FERMT2: variants seen among roughly 807,000 people sequenced by gnomAD.
The protein encoded by FERMT2 is fermitin family homolog 2.
In FERMT2, 15 loss-of-function variants were observed where a neutral mutation model predicts 82.7. The observed-to-expected ratio is 0.18, with a 90% confidence interval of 0.12 to 0.28. The LOEUF (loss-of-function observed/expected upper bound fraction) is 0.28, where lower values mean the gene tolerates loss of function less well. Ranked by LOEUF, FERMT2 falls within the 10% of genes least tolerant of loss-of-function variation. The probability of loss-of-function intolerance (pLI) is 1.00; values close to 1 mark genes in which losing one functional copy is unlikely to be tolerated. For synonymous variants in FERMT2, 274 were observed against 271.5 expected (o/e 1.01, Z -0.09); for missense variants, 645 against 809.4 (o/e 0.80, Z 2.46).
At chr14:52,863,522 T>G (rs1196792510) in intron 12 of FERMT2, 1 of 152,210 alleles carries the variant, frequency 6.6e-6, no homozygotes, top group Admixed American at 6.5e-5. Context: ...GAAATTCCCC[T>G]GTAAAGGACT....
At chr14:52,886,092 T>C (rs896137306) in intron 4 of FERMT2, among the ~76,000 whole-genome samples, 11 of 152,118 alleles carry the variant, frequency 7.2e-5, no homozygotes, top group African/African-American at 2.4e-4. Flanking sequence ...TATAAATGGC[T>C]AATAAACATA....
Position 52,869,036 on chromosome 14 carries a change from G to A in FERMT2, c.1273+3763C>T, listed in dbSNP as rs186912087. The stretch of plus-strand genomic sequence containing the variant: ...GACCTCTTAGTTATACAGGAAGAAG[G>A]TTAAGATATAACAGGGACAGTGAGA... On this transcript the variant is annotated intron_variant, in intron 10 of 14. Coordinates refer to ENST00000341590, the MANE Select transcript of FERMT2 (RefSeq NM_006832.3). Among the ~76,000 whole-genome samples, 5 of 152,212 alleles carry A rather than the reference G, an allele frequency of 3.3e-5. No individual in the cohort carries two copies. The East Asian group carries it at 9.6e-4, about 29-fold the overall frequency.
intron 4 of FERMT2, among the ~76,000 whole-genome samples, chr14:52,884,100 G>A (rs529059984): frequency 3.3e-5 from 5 of 152,272 alleles, no homozygotes; most frequent in East Asian, 3.9e-4. Context: ...CCAAATCTGC[G>A]TTTCAACTTC....
intron 3 of FERMT2, 58 bp from the exon 4 acceptor site, chr14:52,893,485 T>C: frequency 7.9e-7 from 1 of 1,270,374 alleles, no homozygotes; most frequent in Non-Finnish European, 1.1e-6. Flanking sequence ...ATTTTACACT[T>C]AGTAAATCTA....
chr14:52,949,963 C>A (rs900267291), intron 2 of FERMT2, among the ~76,000 whole-genome samples: 2 of 152,152 alleles, frequency 1.3e-5, no homozygotes, highest in African/African-American at 4.8e-5. Context: ...TGCACATTTT[C>A]CAGCACAGAT....
chr14:52,888,108 T>G (rs1462637981), intron 4 of FERMT2, among the ~76,000 whole-genome samples: 1 of 152,194 alleles, frequency 6.6e-6, no homozygotes, highest in African/African-American at 2.4e-5. Flanking sequence ...TATAAATTCA[T>G]ATATTTATTT....
intron 2 of FERMT2, among the ~76,000 whole-genome samples, chr14:52,928,722 A>T (rs1264184755): frequency 6.6e-6 from 1 of 152,122 alleles, no homozygotes; most frequent in Non-Finnish European, 1.5e-5. Context: ...CCTCCTTCTC[A>T]GTAGACAACC....
intron 14 of FERMT2, chr14:52,858,826 G>A (rs1594919453): frequency 3.4e-6 from 1 of 290,480 alleles, no homozygotes; most frequent in East Asian, 5.8e-5. Context: ...GGTCTCTGGT[G>A]ATTGATTCAA....
intron 2 of FERMT2, among the ~76,000 whole-genome samples, chr14:52,926,718 G>C (rs1889296605): frequency 6.6e-6 from 1 of 151,764 alleles, no homozygotes. Context: ...GGTGGGGCGT[G>C]GGGGGTAAAA....
At chr14:52,937,502 C>T (rs369328119) in intron 2 of FERMT2, among the ~76,000 whole-genome samples, 41 of 152,280 alleles carry the variant, frequency 2.7e-4, no homozygotes, top group African/African-American at 8.7e-4. Flanking sequence ...TTATTACTCA[C>T]GACTCTAAAC....
Position 52,893,364 on chromosome 14 carries a change from T to C in FERMT2, c.455A>G (p.Lys152Arg), listed in dbSNP as rs769347232. ...TTCAGACTGGTCATCTAGCTTCTTC[T>C]TTTTTTTCTTTGTTGGATCTCTGGG... ...KKPRDPTKKK[K>R]KKLDDQSEDE... The change falls in exon 4 of 15, where the codon AAG becomes AGG. Residue 152 changes from lysine to arginine, a missense_variant. Lys to Arg is a conservative substitution (Grantham distance 26). Coordinates refer to ENST00000341590, the MANE Select transcript of FERMT2 (RefSeq NM_006832.3). 6.2e-7 allele frequency: 1 copy of C among 1,610,446 alleles called. No homozygotes were observed. The highest frequency in any genetic ancestry group is 8.5e-7 in the Non-Finnish European group (1 of 1,177,764).
chr14:52,887,984 T>G (rs1886711163), intron 4 of FERMT2, among the ~76,000 whole-genome samples: 1 of 152,216 alleles, frequency 6.6e-6, no homozygotes, highest in African/African-American at 2.4e-5. Context: ...TGAAAGATTA[T>G]GTATTCAATA....
intron 6 of FERMT2, among the ~76,000 whole-genome samples, chr14:52,879,301 T>C (rs116751155): frequency 0.01 from 1,551 of 152,354 alleles, 28 homozygotes; most frequent in African/African-American, 0.035. Flanking sequence ...GCCTTAAGAA[T>C]ACTGCAGATT....
intron 10 of FERMT2, among the ~76,000 whole-genome samples, chr14:52,871,212 C>T (rs1005175148): frequency 5.3e-5 from 8 of 152,162 alleles, no homozygotes; most frequent in Non-Finnish European, 1.0e-4. Flanking sequence ...CATGAATGCA[C>T]CTGACTGGAA....
intron 10 of FERMT2, chr14:52,872,213 C>A (rs1039328786): frequency 6.5e-6 from 1 of 152,960 alleles, no homozygotes; most frequent in African/African-American, 2.4e-5. Flanking sequence ...CTCTAAATGT[C>A]CTTAATGCTG....
intron 10 of FERMT2, among the ~76,000 whole-genome samples, chr14:52,870,700 C>G (rs1885565267): frequency 6.6e-6 from 1 of 152,156 alleles, no homozygotes; most frequent in Non-Finnish European, 1.5e-5. Flanking sequence ...GTGCAGTCAG[C>G]TATACCATCA....
intron 2 of FERMT2, among the ~76,000 whole-genome samples, chr14:52,932,151 A>C (rs1366091466): frequency 6.6e-6 from 1 of 152,258 alleles, no homozygotes; most frequent in Non-Finnish European, 1.5e-5. Flanking sequence ...TAAAGTTCAT[A>C]AAGTTAGCAT....
intron 10 of FERMT2, among the ~76,000 whole-genome samples, 197 bp downstream of exon 10, chr14:52,872,602 T>C (rs1001549616): frequency 2.6e-5 from 4 of 152,174 alleles, no homozygotes; most frequent in Non-Finnish European, 4.4e-5. Flanking sequence ...TACAACAAAA[T>C]ATTTATGTGG....
chr14:52,874,951 A>T (rs1235468237), intron 8 of FERMT2, among the ~76,000 whole-genome samples: 1 of 152,144 alleles, frequency 6.6e-6, no homozygotes, highest in Non-Finnish European at 1.5e-5. Context: ...GCTACTCAGG[A>T]GGCTGAGGTA....
Sources: allele counts gnomAD v4.1 joint callset (sites outside exome capture counted in the v4.1 genomes callset), GRCh38; gene constraint gnomAD v4.1.1; transcripts MANE v1.5; gene names NCBI Gene and HGNC (gene_info 2026-07-23, HGNC 2026-07-21).